RAPGEF2: variants seen among roughly 807,000 people sequenced by gnomAD.
RAPGEF2 encodes PDZ domain containing guanine nucleotide exchange factor (GEF) 1.
A neutral mutation model predicts 186.7 loss-of-function variants in RAPGEF2; 54 were observed. That is an observed-to-expected ratio of 0.29 (90% CI 0.23 to 0.36). RAPGEF2 has a LOEUF of 0.36. RAPGEF2 is among the 10% of genes least tolerant of loss of function. The pLI, the probability that RAPGEF2 is intolerant of heterozygous loss-of-function variation, is 1.00. For synonymous variants in RAPGEF2, 712 were observed against 705.9 expected, an observed-to-expected ratio of 1.01 and a Z score of -0.14; for missense variants, 1,532 against 2,045.0, an observed-to-expected ratio of 0.75 and a Z score of 4.84.
At chr4:159,166,853 A>T (rs143830443) in intron 1 of RAPGEF2, among the ~76,000 whole-genome samples, 4 of 152,350 alleles carry the variant, frequency 2.6e-5, no homozygotes, top group African/African-American at 9.6e-5. Flanking sequence ...TGAGTTGCCC[A>T]TCAGGATGGA....
chr4:159,353,655 T>C lies in RAPGEF2; in HGVS notation c.4260T>C (p.Asn1420=), dbSNP rs747507284. ...WTSCSSGSHD[N]IQTIQHQRSW... ...CATGCTCAAGTGGCTCCCATGATAA[T>C]ATACAGACGATCCAGCACCAGAGAA... The change falls in exon 28 of 30, where the codon AAT becomes AAC. Residue 1420 remains asparagine, a synonymous_variant. Coordinates refer to ENST00000691494, the MANE Select transcript of RAPGEF2 (RefSeq NM_001394067.2). The surrounding 1 kb of genome is among the most constrained non-coding windows in gnomAD (Gnocchi z 4.3). 33 of 1,590,804 alleles carry C rather than the reference T, an allele frequency of 2.1e-5. No homozygotes were observed. Among genetic ancestry groups the C allele is most frequent in the Non-Finnish European group, 2.6e-5 (30 of 1,170,026 alleles).
At chr4:159,246,996 A>G (rs1246805994) in intron 7 of RAPGEF2, among the ~76,000 whole-genome samples, 1 of 152,164 alleles carries the variant, frequency 6.6e-6, no homozygotes, top group Non-Finnish European at 1.5e-5. Context: ...ATTCAAATAC[A>G]GGGGAAATTT....
chr4:159,342,096 A>G (rs1189022791), intron 20 of RAPGEF2, 149 bp downstream of exon 20: 1 of 808,732 alleles, frequency 1.2e-6, no homozygotes, highest in Non-Finnish European at 1.8e-6. Context: ...CCTAACCTTA[A>G]TCCTTAATTT....
intron 3 of RAPGEF2, among the ~76,000 whole-genome samples, chr4:159,203,789 A>G (rs964379924): frequency 6.6e-6 from 1 of 152,204 alleles, no homozygotes; most frequent in Non-Finnish European, 1.5e-5. Flanking sequence ...GAAGAGAACT[A>G]GTATTTTTTG....
intron 8 of RAPGEF2, among the ~76,000 whole-genome samples, chr4:159,305,622 C>T (rs1014739284): frequency 7.2e-5 from 11 of 151,938 alleles, no homozygotes; most frequent in African/African-American, 2.2e-4. Flanking sequence ...CCCATTATAC[C>T]GATTATGTGT....
At chr4:159,304,980 C>T (rs1763105379) in intron 8 of RAPGEF2, among the ~76,000 whole-genome samples, 1 of 152,110 alleles carries the variant, frequency 6.6e-6, no homozygotes, top group Non-Finnish European at 1.5e-5. Context: ...AGATAGTGGC[C>T]TCCACTTCCA....
At chr4:159,350,753 C>T (rs140561872) in intron 26 of RAPGEF2, among the ~76,000 whole-genome samples, 1 of 152,244 alleles carries the variant, frequency 6.6e-6, no homozygotes, top group East Asian at 1.9e-4. Context: ...GGTACTCAGT[C>T]GCCTCCTTAT....
chr4:159,328,405 A>G (rs1017722856), intron 11 of RAPGEF2: 1 of 152,182 alleles, frequency 6.6e-6, no homozygotes, highest in Non-Finnish European at 1.5e-5. Context: ...AGTATGCATA[A>G]TTACTAGTAC....
intron 11 of RAPGEF2, among the ~76,000 whole-genome samples, chr4:159,324,131 G>A (rs1402073949): frequency 3.3e-5 from 5 of 151,782 alleles, no homozygotes; most frequent in African/African-American, 1.2e-4. Flanking sequence ...TCCTGACCTC[G>A]TGATCCACCT....
At position 159,263,399 on chromosome 4, in the gene RAPGEF2, G is replaced by C. The variant is rs189131627; in HGVS notation, c.543+19608G>C. ...ATAGCATTTTAAAATGACATTTTTG[G>C]GGGGAACAGTGAAACACTAAAAATC... On this transcript the variant is annotated intron_variant, in intron 7 of 29. Transcript: ENST00000691494. Among the ~76,000 whole-genome samples, 1,309 of 152,156 alleles carry C rather than the reference G, an allele frequency of 8.6e-3. 24 individuals carry two copies. Among genetic ancestry groups the C allele is most frequent in the African/African-American group, 0.03 (1,248 of 41,512 alleles).
At chr4:159,133,335 G>C (rs763223368) in intron 1 of RAPGEF2, among the ~76,000 whole-genome samples, 1 of 151,866 alleles carries the variant, frequency 6.6e-6, no homozygotes, top group Non-Finnish European at 1.5e-5. Context: ...CATTGTATTA[G>C]TGCATTTCTT....
chr4:159,241,454 A>T (rs1014071781), intron 6 of RAPGEF2, 86 bp downstream of exon 6: 143 of 818,264 alleles, frequency 1.7e-4, no homozygotes, highest in Non-Finnish European at 2.2e-4. Flanking sequence ...TCCATTTTTG[A>T]CAAATCTTTT....
chr4:159,309,230 G>C (rs1763663496), intron 8 of RAPGEF2, among the ~76,000 whole-genome samples: 1 of 152,140 alleles, frequency 6.6e-6, no homozygotes, highest in South Asian at 2.1e-4. Context: ...CATCTCCTCA[G>C]AGTTGTTCCT....
intron 7 of RAPGEF2, among the ~76,000 whole-genome samples, chr4:159,296,236 A>G (rs952114945): frequency 1.3e-5 from 2 of 152,242 alleles, no homozygotes; most frequent in East Asian, 3.8e-4. Context: ...TCACTACCTT[A>G]AACAAATTAG....
chr4:159,134,852 T>C (rs1741542178), intron 1 of RAPGEF2, among the ~76,000 whole-genome samples: 1 of 152,242 alleles, frequency 6.6e-6, no homozygotes, highest in South Asian at 2.1e-4. Flanking sequence ...AGAAAATTCC[T>C]GTACCCTCAT....
intron 17 of RAPGEF2, among the ~76,000 whole-genome samples, chr4:159,334,006 A>G (rs62339286): frequency 0.12 from 18,324 of 152,242 alleles, 1,176 homozygotes; most frequent in Admixed American, 0.2. Flanking sequence ...AGTTGTCCCA[A>G]TTAAACTATA....
chr4:159,270,423 T>A lies in RAPGEF2; in HGVS notation c.543+26632T>A, dbSNP rs77098644. 4.8e-3 allele frequency among the ~76,000 whole-genome samples: 730 copies of A among 152,356 alleles called. 6 individuals carry two copies. The highest frequency in any genetic ancestry group is 7.8e-3 in the Non-Finnish European group (528 of 68,022). ...GCTAATTTCAAATGAATAGAATTTA[T>A]TAAATTCACAAATACTTCTGTTTTG... On this transcript the variant is annotated intron_variant, in intron 7 of 29. Coordinates refer to ENST00000691494, the MANE Select transcript of RAPGEF2 (RefSeq NM_001394067.2).
intron 1 of RAPGEF2, among the ~76,000 whole-genome samples, chr4:159,106,933 G>A (rs141381035): frequency 0.01 from 1,583 of 152,212 alleles, 29 homozygotes; most frequent in African/African-American, 0.035. Flanking sequence ...CAATGGAAAC[G>A]CATTTCAGTT....
intron 28 of RAPGEF2, among the ~76,000 whole-genome samples, chr4:159,354,514 A>G (rs562770237): frequency 6.6e-6 from 1 of 152,322 alleles, no homozygotes; most frequent in East Asian, 1.9e-4. Context: ...CACATTGTTG[A>G]TAAGCAATTC....
Sources: allele counts gnomAD v4.1 joint callset (sites outside exome capture counted in the v4.1 genomes callset), GRCh38; gene constraint gnomAD v4.1.1; non-coding constraint Gnocchi (gnomAD v3.1); transcripts MANE v1.5; gene names NCBI Gene and HGNC (gene_info 2026-07-23, HGNC 2026-07-21).